NUCB2: variants seen among roughly 807,000 people sequenced by gnomAD.
The protein encoded by NUCB2 is nucleobindin-2.
In NUCB2, 48 loss-of-function variants were observed where a neutral mutation model predicts 57.9. The observed-to-expected ratio is 0.83, with a 90% CI of 0.66 to 1.05. The LOEUF is 1.05. Among genes scored for constraint, NUCB2 ranks in the 50% least tolerant of loss-of-function variants. The pLI is 0.00. For synonymous variants in NUCB2, 139 were observed against 152.1 expected, an observed-to-expected ratio of 0.91 and a Z score of 0.64; for missense variants, 442 against 476.2, an observed-to-expected ratio of 0.93 and a Z score of 0.67.
intron 11 of NUCB2, among the ~76,000 whole-genome samples, chr11:17,326,160 C>T (rs1156798415): frequency 1.3e-5 from 2 of 151,770 alleles, no homozygotes; most frequent in East Asian, 3.9e-4. Flanking sequence ...ACCACCATGC[C>T]CAGCTAATTT....
chr11:17,298,753 C>T (rs1946245096), intron 4 of NUCB2, among the ~76,000 whole-genome samples: 1 of 151,198 alleles, frequency 6.6e-6, no homozygotes, highest in African/African-American at 2.4e-5. Flanking sequence ...GGCTGGAGTA[C>T]AGTGATGCAA....
intron 11 of NUCB2, among the ~76,000 whole-genome samples, chr11:17,325,941 AAAAT>A (rs1950606505): frequency 6.6e-6 from 1 of 152,182 alleles, no homozygotes; most frequent in South Asian, 2.1e-4. Context: ...ATGCAAAAAG[AAAAT>A]AAATACTTTA....
At chr11:17,316,767 T>C (rs1949309154) in intron 11 of NUCB2, among the ~76,000 whole-genome samples, 1 of 152,224 alleles carries the variant, frequency 6.6e-6, no homozygotes, top group Admixed American at 6.5e-5. Context: ...ATAGTCTTTT[T>C]CTACATAAAA....
At chr11:17,315,582 A>C in intron 11 of NUCB2, 107 bp downstream of exon 11, 2 of 515,406 alleles carry the variant, frequency 3.9e-6, no homozygotes, top group Non-Finnish European at 6.8e-6. Context: ...TAGTCTTACT[A>C]TCTTGGGATT....
At position 17,312,066 on chromosome 11, in the gene NUCB2, T is replaced by A; in HGVS notation, c.858T>A (p.Asp286Glu). The change falls in exon 10 of 14, where the codon GAT (aspartate) becomes GAA (glutamate). Residue 286 changes from aspartate (D) to glutamate (E), a missense_variant. Asp to Glu is a conservative substitution (Grantham distance 45, BLOSUM62 2). Transcript: ENST00000529010. Reference sequence around the variant, plus strand: ...ATGACCCTAAAAATGAAGAGGATGATATGGTAGAAATGGAAGAAGAAAGGC... The same window carrying A: ...ATGACCCTAAAAATGAAGAGGATGAAATGGTAGAAATGGAAGAAGAAAGGC... ...KVYDPKNEED[D>E]MVEMEEERLR... The A allele has an allele frequency of 6.3e-7, 1 of 1,591,376 alleles. No homozygotes were observed. Among genetic ancestry groups the A allele is most frequent in the Non-Finnish European group, 8.6e-7 (1 of 1,168,972 alleles).
chr11:17,303,620 C>T lies in NUCB2; in HGVS notation c.379+1750C>T, dbSNP rs553315829. On this transcript the variant is annotated intron_variant, in intron 5 of 13. Transcript: ENST00000529010. ...AGTTATCTTGCTGGGCATGATGGCT[C>T]ACGCCTGTAATCCCAGCACTTTGGG... 2.0e-5 allele frequency among the ~76,000 whole-genome samples: 3 copies of T among 152,300 alleles called. No individual in the cohort carries two copies. The South Asian group carries it at 6.2e-4, about 32-fold the overall frequency.
intron 2 of NUCB2, among the ~76,000 whole-genome samples, chr11:17,294,656 C>G (rs1945502108): frequency 8.8e-6 from 1 of 114,118 alleles, no homozygotes; most frequent in African/African-American, 3.4e-5. Flanking sequence ...AAATGGTGTT[C>G]TGTGGGTAAA....
At chr11:17,293,360 C>T (rs1405304293) in intron 2 of NUCB2, among the ~76,000 whole-genome samples, 1 of 151,598 alleles carries the variant, frequency 6.6e-6, no homozygotes, top group Non-Finnish European at 1.5e-5. Flanking sequence ...TTATGGTAGT[C>T]TTGGCAGGAG....
rs183436784 is a variant in NUCB2, at chr11:17,343,683, G to A, written n.2627-5662G>A. ...ATATATAGATGATTTCCTTTTTAAA[G>A]CATATTTACTATGTCCTTTAATGTT... On this transcript the variant is annotated intron_variant and non_coding_transcript_variant, in intron 2 of 2. Transcript: ENST00000532240. 6.0e-3 allele frequency among the ~76,000 whole-genome samples: 911 copies of A among 152,124 alleles called. 4 individuals are homozygous for A. The highest frequency in any genetic ancestry group is 9.8e-3 in the Non-Finnish European group (668 of 67,994).
chr11:17,311,202 G>A lies in NUCB2; in HGVS notation c.679G>A (p.Asp227Asn), dbSNP rs1948439929. 9 of 1,602,814 alleles carry A rather than the reference G, an allele frequency of 5.6e-6. No individual in the cohort carries two copies. In the East Asian group the frequency reaches 2.0e-4, roughly 36 times the overall value. ...TAAAATTGGTTCACAGGGAAGCAAA[G>A]ATCAACTAAAAGAGGTATGGGAAGA... ...HPKVNHPGSK[D>N]QLKEVWEETD... Residue 227 changes from aspartate (D) to asparagine (N), a missense_variant, in exon 8 of 14, where the codon GAT (aspartate) becomes AAT (asparagine). Asp to Asn is a conservative substitution (Grantham distance 23, BLOSUM62 1). Transcript: ENST00000529010.
At chr11:17,320,432 G>A (rs556943551) in intron 11 of NUCB2, among the ~76,000 whole-genome samples, 2 of 152,268 alleles carry the variant, frequency 1.3e-5, no homozygotes, top group East Asian at 3.9e-4. Context: ...CACTTTGGGA[G>A]GCCGAGGTGG....
chr11:17,282,062 A>G (rs2137888765), intron 1 of NUCB2, among the ~76,000 whole-genome samples: 1 of 151,814 alleles, frequency 6.6e-6, no homozygotes, highest in Middle Eastern at 3.4e-3. Flanking sequence ...ATTCCAGTTA[A>G]GGATTTAACA....
intron 5 of NUCB2, 81 bp downstream of exon 5, chr11:17,301,951 G>A: frequency 1.7e-6 from 2 of 1,188,296 alleles, no homozygotes; most frequent in Non-Finnish European, 2.4e-6. Context: ...TCAGGCTGGA[G>A]TGCAGTGGCA....
Position 17,279,371 on chromosome 11 carries a change from C to T in NUCB2, c.-156+2543C>T, listed in dbSNP as rs146594726. The stretch of plus-strand genomic sequence containing the variant: ...TACGGGCTCTGCCAAACGAACTTGG[C>T]CAAGTCAGTTAACTTCCTTCTGTAT... On this transcript the variant is annotated intron_variant, in intron 1 of 13. Transcript: ENST00000529010. 4.8e-3 allele frequency among the ~76,000 whole-genome samples: 729 copies of T among 152,202 alleles called. 8 individuals carry two copies. Among genetic ancestry groups the T allele is most frequent in the African/African-American group, 0.016 (674 of 41,526 alleles).
At chr11:17,287,409 C>T (rs1943944797) in intron 2 of NUCB2, among the ~76,000 whole-genome samples, 1 of 152,010 alleles carries the variant, frequency 6.6e-6, no homozygotes, top group Non-Finnish European at 1.5e-5. Context: ...TGGTGGCTCA[C>T]ACCTGTAATC....
intron 2 of NUCB2, among the ~76,000 whole-genome samples, chr11:17,285,210 A>T (rs1002368229): frequency 6.6e-6 from 1 of 151,132 alleles, no homozygotes; most frequent in Non-Finnish European, 1.5e-5. Flanking sequence ...GGCAGATCAC[A>T]AGGTCAGGAG....
At chr11:17,311,124 A>AT in intron 7 of NUCB2, 69 bp from the exon 8 acceptor site, 2 of 1,448,732 alleles carry the variant, frequency 1.4e-6, no homozygotes, top group South Asian at 2.6e-5. Flanking sequence ...AGTTCCTCAA[A>AT]TTTATATTTT....
chr11:17,337,267 T>TA (rs1221766236), intron 1 of NUCB2: 3 of 152,202 alleles, frequency 2.0e-5, no homozygotes, highest in Non-Finnish European at 1.5e-5. Context: ...AGAGAGGGGT[T>TA]AAAAAAATCT....
downstream of NUCB2, among the ~76,000 whole-genome samples, chr11:17,336,998 T>G (rs1951872751): frequency 6.6e-6 from 1 of 151,954 alleles, no homozygotes; most frequent in African/African-American, 2.4e-5. Context: ...TGGAGTACAG[T>G]GGTGCCATCA....
Sources: gnomAD v4.1 joint callset for allele counts (sites outside exome capture counted in the v4.1 genomes callset) on GRCh38, gnomAD v4.1.1 for gene constraint, MANE v1.5 for transcripts, NCBI Gene and HGNC (gene_info 2026-07-23, HGNC 2026-07-21) for gene names.